The following KLF10 variants were observed in gnomAD, a reference collection of about 807,000 sequenced individuals.
The protein encoded by KLF10 is KLF transcription factor 10.
In KLF10, 17 loss-of-function variants were observed where a neutral mutation model predicts 31.6. That is an observed-to-expected ratio of 0.54 (90% confidence interval 0.37 to 0.81). KLF10 has a LOEUF of 0.81. KLF10 is among the 30% of genes least tolerant of loss of function. The pLI, the probability that KLF10 is intolerant of heterozygous loss-of-function variation, is 0.00. For synonymous variants in KLF10, 239 were observed against 215.1 expected (o/e 1.11, Z -0.97); for missense variants, 525 against 598.1 (o/e 0.88, Z 1.27).
At chr8:102,654,559 G>A (rs1288162808) in intron 1 of KLF10, among the ~76,000 whole-genome samples, 7 of 151,826 alleles carry the variant, frequency 4.6e-5, no homozygotes, top group African/African-American at 1.7e-4. Context: ...CAGCCCCCGG[G>A]AACCCGGCCG....
rs2131079580 is a variant in KLF10 at position 102,651,614 on chromosome 8, T to A, written c.718A>T (p.Ile240Phe). 6.2e-7 allele frequency: 1 copy of A among 1,614,248 alleles called. No individual in the cohort carries two copies. The highest frequency in any genetic ancestry group is 8.5e-7 in the Non-Finnish European group (1 of 1,180,050). ...DFSVPSSETV[I>F]CRSQPAPVSP... ...ACAGGGGCTGGCTGAGACCTGCAGA[T>A]GACCGTCTCTGAGGAAGGCACAGAA... Residue 240 changes from isoleucine to phenylalanine, a missense_variant, in exon 3 of 4, where the codon ATC becomes TTC. Ile to Phe is a conservative substitution (Grantham distance 21). Around this residue, in one of 3 missense-constraint regions of KLF10, gnomAD observed 434 missense variants for 450.7 expected, o/e 0.96. Coordinates refer to ENST00000285407, the MANE Select transcript of KLF10 (RefSeq NM_005655.4).
At chr8:102,651,108 C>A in intron 3 of KLF10, 41 bp downstream of exon 3, 1 of 1,467,310 alleles carries the variant, frequency 6.8e-7, no homozygotes. Context: ...CAGCCAAAAT[C>A]TCTTCATTTA....
At chr8:102,653,287 A>G (rs1275456250) in intron 1 of KLF10, among the ~76,000 whole-genome samples, 1 of 152,250 alleles carries the variant, frequency 6.6e-6, no homozygotes, top group Non-Finnish European at 1.5e-5. Context: ...TTAATATTCT[A>G]CTTGGAATTT....
In KLF10 at chr8:102,651,257, G is replaced by A. The variant is rs1300936639; in HGVS notation, c.1075C>T (p.Pro359Ser). 4 of 1,605,678 alleles carry A rather than the reference G, an allele frequency of 2.5e-6. No individual in the cohort carries two copies. In the Middle Eastern group the frequency reaches 5.0e-4, roughly 200 times the overall value. The stretch of plus-strand genomic sequence containing the variant: ...CTTATCCTTGATGAATCAATCTGAG[G>A]AGTGACTTTTGCTGCTGAAGGGGAA... ...GFSPSAAKVT[P>S]QIDSSRIRSH... Residue 359 changes from proline (P) to serine (S), a missense_variant, in exon 3 of 4, where the codon CCT (proline) becomes TCT (serine). Pro to Ser is a moderately conservative substitution (Grantham distance 74). Around this residue, in one of 3 missense-constraint regions of KLF10, gnomAD observed 434 missense variants for 450.7 expected, o/e 0.96. Coordinates refer to ENST00000285407, the MANE Select transcript of KLF10 (RefSeq NM_005655.4).
Position 102,655,619 on chromosome 8 carries a change from C to T in KLF10, c.-18G>A, listed in dbSNP as rs370380076. 5.1e-5 allele frequency: 83 copies of T among 1,613,696 alleles called. No individual in the cohort carries two copies. In the African/African-American group the frequency reaches 9.5e-4, roughly 18 times the overall value. On this transcript the variant is annotated 5_prime_UTR_variant, in exon 1 of 4. Coordinates refer to ENST00000285407, the MANE Select transcript of KLF10 (RefSeq NM_005655.4). ...TTGAGCATGGTTGGCTGCTTGGCCG[C>T]CGGCGGCAAGCTGACTGGCTGCTAG...
chr8:102,650,098 CAA>C lies in KLF10; in HGVS notation c.*32_*33del, dbSNP rs779653709. On this transcript the variant is annotated 3_prime_UTR_variant, in exon 4 of 4. Coordinates refer to ENST00000285407, the MANE Select transcript of KLF10 (RefSeq NM_005655.4). The stretch of plus-strand genomic sequence containing the variant: ...CATCACCACTGGCTCCCGCTGAGAC[CAA>C]AGTTAGTTCTGACTCTTCACTTTCC... 18 of 1,609,030 alleles carry C rather than the reference CAA, an allele frequency of 1.1e-5. No individual in the cohort carries two copies. The highest frequency in any genetic ancestry group is 1.5e-5 in the Non-Finnish European group (18 of 1,176,756).
At chr8:102,652,852 T>C (rs182621209) in intron 1 of KLF10, among the ~76,000 whole-genome samples, 8 of 152,110 alleles carry the variant, frequency 5.3e-5, no homozygotes, top group Admixed American at 5.2e-4. Flanking sequence ...CGGCAAAAAA[T>C]TTATCTTCTT....
intron 1 of KLF10, chr8:102,654,080 CGGGGCG>C: frequency 3.3e-6 from 2 of 598,784 alleles, no homozygotes; most frequent in Non-Finnish European, 4.2e-6. Flanking sequence ...CTGTGCGGCC[CGGGGCG>C]GGGGCGTGGG....
chr8:102,651,695 C>T lies in KLF10; in HGVS notation c.637G>A (p.Glu213Lys). The change falls in exon 3 of 4, where the codon GAG becomes AAG. Residue 213 changes from glutamate to lysine, a missense_variant. By Grantham distance (56) the Glu-to-Lys change is moderately conservative. Transcript: ENST00000285407. ...AAVSPNRSKCERNTVADVDEK... is the reference protein window; with the variant it reads ...AAVSPNRSKCKRNTVADVDEK... ...TCAACATCTGCCACTGTGTTTCTCT[C>T]ACATTTGGATCTGTTTGGTGACACA... 6.2e-7 allele frequency: 1 copy of T among 1,614,212 alleles called. No individual in the cohort carries two copies. Among genetic ancestry groups the T allele is most frequent in the Non-Finnish European group, 8.5e-7 (1 of 1,180,050 alleles).
chr8:102,652,470 A>ATTTTTTTTTTT (rs10639139), intron 1 of KLF10, 73 bp from the exon 2 acceptor site: 1 of 456,058 alleles, frequency 2.2e-6, no homozygotes. Flanking sequence ...AAATGAGCAA[A>ATTTTTTTTTTT]TTTTTTTTTT....
intron 1 of KLF10, among the ~76,000 whole-genome samples, chr8:102,653,129 G>T (rs1174696648): frequency 6.6e-6 from 1 of 152,058 alleles, no homozygotes; most frequent in African/African-American, 2.4e-5. Flanking sequence ...GATATACATA[G>T]AAAAAAATTC....
At chr8:102,654,085 C>CGGGGGCGTGGGCGAGGA (rs1191329676) in intron 1 of KLF10, 6 of 538,760 alleles carry the variant, frequency 1.1e-5, no homozygotes, top group Non-Finnish European at 1.4e-5. Flanking sequence ...CGGCCCGGGG[C>CGGGGGCGTGGGCGAGGA]GGGGGCGTGG....
rs753790380 is a variant in KLF10, at chr8:102,652,297, A to G, written c.137T>C (p.Met46Thr). The change falls in exon 2 of 4, where the codon ATG becomes ACG. Residue 46 changes from methionine (M) to threonine (T), a missense_variant. Met to Thr is a moderately conservative substitution (Grantham distance 81, BLOSUM62 -1). Around this residue, in one of 3 missense-constraint regions of KLF10, gnomAD observed 434 missense variants for 450.7 expected, o/e 0.96. Transcript: ENST00000285407. ...KSDFEAVEALMSMSCSWKSDF... is the reference protein window; with the variant it reads ...KSDFEAVEALTSMSCSWKSDF... The stretch of plus-strand genomic sequence containing the variant: ...AGACTTCCAACTGCAGCTCATTGAC[A>G]TAAGTGCTTCTACAGCTTCAAAATC... The G allele has an allele frequency of 6.2e-6, 10 of 1,613,386 alleles. No individual in the cohort carries two copies. In the African/African-American group the frequency reaches 6.7e-5, roughly 11 times the overall value.
In KLF10 at chr8:102,649,855, G is replaced by C. The variant is rs906020885; in HGVS notation, c.*277C>G. 5 of 480,244 alleles carry C rather than the reference G, an allele frequency of 1.0e-5. No individual in the cohort carries two copies. Among genetic ancestry groups the C allele is most frequent in the Non-Finnish European group, 1.9e-5 (5 of 268,758 alleles). 29.7% of individuals were successfully genotyped at this position (480,244 alleles called of 1,614,324 possible). A position where few individuals can be genotyped will look rare whatever the true frequency, so the allele number is the denominator to read the frequency against. On this transcript the variant is annotated 3_prime_UTR_variant, in exon 4 of 4. Coordinates refer to ENST00000285407, the MANE Select transcript of KLF10 (RefSeq NM_005655.4). The stretch of plus-strand genomic sequence containing the variant: ...CACAGATTCAAAATCTGTGCTACCT[G>C]TGTTGACCTCATCTGAAACCTTCAA...
At position 102,652,082 on chromosome 8, in the gene KLF10, T is replaced by TA. The variant is rs36083487; in HGVS notation, c.271-22dup. ...AAACACTAAAGAAAAGGGAAATACA[T>TA]AGCATGAGAAATCTACAGTTTATTA... is the stretch of plus-strand genomic sequence containing the variant. On this transcript the variant is annotated intron_variant, in intron 2 of 3. Transcript: ENST00000285407. 200,073 of 1,550,162 alleles carry TA rather than the reference T, an allele frequency of 0.13. 15,160 individuals are homozygous for TA. Among genetic ancestry groups the TA allele is most frequent in the East Asian group, 0.38 (16,614 of 44,270 alleles).
rs1827149621 is a variant in KLF10, at chr8:102,649,277, C to T, written c.*855G>A. On this transcript the variant is annotated 3_prime_UTR_variant, in exon 4 of 4. Transcript: ENST00000285407. ...AAGTTATCTAAGATTCTTAATATCC[C>T]TTCTTTACAATATATATTTCATCTT... 1.3e-5 allele frequency: 2 copies of T among 152,400 alleles called. No individual in the cohort carries two copies. Among genetic ancestry groups the T allele is most frequent in the South Asian group, 4.1e-4 (2 of 4,822 alleles). 9.4% of individuals were successfully genotyped at this position (152,400 alleles called of 1,614,324 possible). A position where few individuals can be genotyped will look rare whatever the true frequency, so the allele number is the denominator to read the frequency against.
chr8:102,650,992 G>A (rs1229284103), intron 3 of KLF10, among the ~76,000 whole-genome samples, 157 bp downstream of exon 3: 3 of 152,088 alleles, frequency 2.0e-5, no homozygotes, highest in Non-Finnish European at 2.9e-5. Context: ...ACTCGTGAGC[G>A]GCCTCCAATA....
chr8:102,652,955 G>A (rs1460827440), intron 1 of KLF10, among the ~76,000 whole-genome samples: 1 of 152,086 alleles, frequency 6.6e-6, no homozygotes. Context: ...ACAAAATGTA[G>A]TAGAGCTCTG....
chr8:102,653,088 A>G (rs1827256247), intron 1 of KLF10, among the ~76,000 whole-genome samples: 1 of 152,204 alleles, frequency 6.6e-6, no homozygotes, highest in Admixed American at 6.5e-5. Context: ...CTAAAATTTG[A>G]TCACTTGATT....
Sources: gnomAD v4.1 joint callset for allele counts (sites outside exome capture counted in the v4.1 genomes callset) on GRCh38, gnomAD v4.1.1 for gene constraint, gnomAD v4.1.1 regional missense constraint, MANE v1.5 for transcripts, NCBI Gene and HGNC (gene_info 2026-07-23, HGNC 2026-07-21) for gene names.